Variants in SHANK2 observed in about 807,000 individuals in gnomAD.
SHANK2 encodes the protein SH3 and multiple ankyrin repeat domains protein 2.
A neutral mutation model predicts 133.7 loss-of-function variants in SHANK2; 43 were observed. The observed-to-expected ratio is 0.32, with a 90% CI of 0.25 to 0.41. The LOEUF is 0.41. Among genes scored for constraint, SHANK2 ranks in the 10% least tolerant of loss-of-function variants. SHANK2 has a pLI of 1.00. For missense variants in SHANK2, 1,994 were observed against 2,235.8 expected (o/e 0.89, Z 2.18); for synonymous variants, 1,017 against 952.8 (o/e 1.07, Z -1.24).
intron 14 of SHANK2, among the ~76,000 whole-genome samples, chr11:70,729,362 G>A (rs1946236215): frequency 6.6e-6 from 1 of 152,076 alleles, no homozygotes; most frequent in East Asian, 1.9e-4. Context: ...ACAGACTGGT[G>A]GGCTCCAGGG....
At chr11:70,733,749 G>C (rs755289322) in intron 14 of SHANK2, among the ~76,000 whole-genome samples, 1 of 152,206 alleles carries the variant, frequency 6.6e-6, no homozygotes, top group Non-Finnish European at 1.5e-5. Flanking sequence ...ACTAGAAGAG[G>C]GACCCGGGAA....
Position 70,485,751 on chromosome 11 carries a change from A to G in SHANK2, c.4542T>C (p.Ser1514=). 6.2e-7 allele frequency: 1 copy of G among 1,613,954 alleles called. No individual in the cohort carries two copies. Among genetic ancestry groups the G allele is most frequent in the Non-Finnish European group, 8.5e-7 (1 of 1,180,032 alleles). The change falls in exon 25 of 26, where the codon TCT becomes TCC. Residue 1514 remains serine, a synonymous_variant. Coordinates refer to ENST00000601538, the MANE Select transcript of SHANK2 (RefSeq NM_012309.5). This position sits in a 1 kb window ranked among gnomAD's most constrained non-coding sequence, Gnocchi z 5.8. ...CTTCGGAAGACAGGGTGGAGATGCT[A>G]GACACGGTGGAGATAGTGCTGGTCG... is the stretch of plus-strand genomic sequence containing the variant. ...LETTSTISTV[S]SISTLSSEGG...
chr11:71,108,162 C>T (rs1169972154), intron 6 of SHANK2, among the ~76,000 whole-genome samples: 1 of 152,222 alleles, frequency 6.6e-6, no homozygotes, highest in African/African-American at 2.4e-5. Context: ...GGTCCATTTA[C>T]CTTCACAGCC....
At chr11:70,488,308 C>T (rs2058840792) in intron 24 of SHANK2, among the ~76,000 whole-genome samples, 1 of 152,164 alleles carries the variant, frequency 6.6e-6, no homozygotes, top group South Asian at 2.1e-4. Context: ...GTGTGCAGTC[C>T]ACCGTCCAGA....
At chr11:70,767,484 C>T (rs117985268) in intron 14 of SHANK2, among the ~76,000 whole-genome samples, 5,198 of 152,212 alleles carry the variant, frequency 0.034, 116 homozygotes, top group Non-Finnish European at 0.051. Flanking sequence ...GAGCACATAA[C>T]GAACATGGTC....
intron 1 of SHANK2, among the ~76,000 whole-genome samples, chr11:71,236,085 G>A (rs2135787788): frequency 6.6e-6 from 1 of 152,238 alleles, no homozygotes; most frequent in Non-Finnish European, 1.5e-5. Context: ...GACACTGTTT[G>A]TTTCAAAGGC....
Position 71,134,948 on chromosome 11 carries a change from C to T in SHANK2, c.207+12172G>A, listed in dbSNP as rs535688841. 2.6e-5 allele frequency among the ~76,000 whole-genome samples: 4 copies of T among 152,246 alleles called. No individual in the cohort carries two copies. In the South Asian group the frequency reaches 8.3e-4, roughly 32 times the overall value. On this transcript the variant is annotated intron_variant, in intron 3 of 25. Coordinates refer to ENST00000601538, the MANE Select transcript of SHANK2 (RefSeq NM_012309.5). ...TTTCAAATATAAACGATGTCACATG[C>T]TCTGTACCAAACCTCTGCCCATCAA...
At chr11:70,572,822 G>C (rs1321462990) in intron 17 of SHANK2, among the ~76,000 whole-genome samples, 1 of 152,310 alleles carries the variant, frequency 6.6e-6, no homozygotes, top group African/African-American at 2.4e-5. Context: ...TGGTGAGGCT[G>C]CTTTGGAAGA....
chr11:70,798,668 G>T, intron 13 of SHANK2, 112 bp from the exon 14 acceptor site: 1 of 662,254 alleles, frequency 1.5e-6, no homozygotes, highest in Non-Finnish European at 2.8e-6. Flanking sequence ...CCCCTGGCCA[G>T]GCCTGCAGAG....
rs73527966 is a variant in SHANK2, at chr11:70,737,804, C to T, written c.1778-39041G>A. Among the ~76,000 whole-genome samples the T allele has an allele frequency of 5.8e-3, 890 of 152,338 alleles. 10 individuals are homozygous for T. The highest frequency in any genetic ancestry group is 0.02 in the African/African-American group (840 of 41,564). Reference sequence around the variant, plus strand: ...TTCCAGAATGAAGGCTTCTTGGGGCCGGTTTTCCCTGCACACAGATGGCAA... The same window carrying T: ...TTCCAGAATGAAGGCTTCTTGGGGCTGGTTTTCCCTGCACACAGATGGCAA... On this transcript the variant is annotated intron_variant, in intron 14 of 25. Transcript: ENST00000601538.
chr11:70,704,797 G>A (rs985929205), intron 14 of SHANK2, among the ~76,000 whole-genome samples: 1 of 152,166 alleles, frequency 6.6e-6, no homozygotes, highest in Non-Finnish European at 1.5e-5. Context: ...GGCTTGTGGT[G>A]GTCACTGAGG....
At chr11:70,759,943 T>C (rs1240664946) in intron 14 of SHANK2, among the ~76,000 whole-genome samples, 2 of 152,198 alleles carry the variant, frequency 1.3e-5, no homozygotes, top group African/African-American at 4.8e-5. Flanking sequence ...GGATTCTACC[T>C]CGGAGCTTCC....
At chr11:70,730,798 C>A (rs1247484893) in intron 14 of SHANK2, among the ~76,000 whole-genome samples, 1 of 151,152 alleles carries the variant, frequency 6.6e-6, no homozygotes, top group African/African-American at 2.4e-5. Context: ...CTGCTCACTG[C>A]TATGCCTGGG....
intron 14 of SHANK2, among the ~76,000 whole-genome samples, chr11:70,796,176 ACGTT>A (rs1390073702): frequency 1.3e-5 from 2 of 152,234 alleles, no homozygotes; most frequent in East Asian, 3.9e-4. Context: ...AGAAAGCCAT[ACGTT>A]CTCATCTAGG....
intron 14 of SHANK2, among the ~76,000 whole-genome samples, chr11:70,758,873 A>C (rs2134962281): frequency 6.6e-6 from 1 of 152,348 alleles, no homozygotes; most frequent in Admixed American, 6.5e-5. Flanking sequence ...TTAAAAACTG[A>C]GTTCTGGCCG....
rs1232582943 is a variant in SHANK2, at chr11:70,617,300, AGAGT to A, written c.2061+42524_2061+42527del. ...TGGTGTATGTTTGTCAGTGCCTGAGAGAGTATGTGTGTGTGTGTGTGTGAGTGTG... is the reference window on the plus strand; with the variant it reads ...TGGTGTATGTTTGTCAGTGCCTGAGAATGTGTGTGTGTGTGTGTGAGTGTG... On this transcript the variant is annotated intron_variant, in intron 17 of 25. Coordinates refer to ENST00000601538, the MANE Select transcript of SHANK2 (RefSeq NM_012309.5). 4.2e-5 allele frequency among the ~76,000 whole-genome samples: 6 copies of A among 143,446 alleles called. No homozygotes were observed. The East Asian group carries it at 9.8e-4, about 23-fold the overall frequency. The allele number at this position is 143,446 out of a possible 152,430, so 94.1% of individuals were successfully genotyped here.
At chr11:70,781,599 T>TATATATATATATATATATA (rs1555045215) in intron 14 of SHANK2, among the ~76,000 whole-genome samples, 2 of 134,320 alleles carry the variant, frequency 1.5e-5, no homozygotes, top group African/African-American at 5.5e-5. Context: ...TATTTATTTA[T>TATATATATATATATATATA]TATACTTTAA....
chr11:71,184,543 T>C (rs1225658572), intron 2 of SHANK2, among the ~76,000 whole-genome samples: 1 of 152,114 alleles, frequency 6.6e-6, no homozygotes, highest in Admixed American at 6.5e-5. Flanking sequence ...GAGGGCTGGC[T>C]CTGTAGAACT....
At chr11:70,920,263 G>A (rs1330326615) in intron 10 of SHANK2, among the ~76,000 whole-genome samples, 1 of 152,078 alleles carries the variant, frequency 6.6e-6, no homozygotes, top group Admixed American at 6.6e-5. Flanking sequence ...ATGTATGCAT[G>A]TATGCATGTA....
Sources: gnomAD v4.1 joint callset for allele counts (sites outside exome capture counted in the v4.1 genomes callset) on GRCh38, gnomAD v4.1.1 for gene constraint, Gnocchi (gnomAD v3.1) non-coding constraint, MANE v1.5 for transcripts, NCBI Gene and HGNC (gene_info 2026-07-23, HGNC 2026-07-21) for gene names.